The following MYCBP2 variants were observed in gnomAD, a reference collection of about 807,000 sequenced individuals.
The protein encoded by MYCBP2 is MYC binding protein 2.
In MYCBP2, 120 loss-of-function variants were observed where a neutral mutation model predicts 525.3. The ratio of observed to expected loss-of-function variants is 0.23; its 90% CI spans 0.20 to 0.27. MYCBP2 has a LOEUF of 0.27. Ranked by LOEUF, MYCBP2 falls within the 10% of genes least tolerant of loss-of-function variation. The probability of loss-of-function intolerance (pLI) is 1.00; values close to 1 mark genes in which losing one functional copy is unlikely to be tolerated. For missense variants in MYCBP2, 4,149 were observed against 5,657.1 expected (o/e 0.73, Z 8.55); for synonymous variants, 1,894 against 1,955.8 (o/e 0.97, Z 0.83).
chr13:77,262,788 CTT>C (rs2073518374), intron 10 of MYCBP2, among the ~76,000 whole-genome samples: 1 of 151,902 alleles, frequency 6.6e-6, no homozygotes. Context: ...CATTTTATGA[CTT>C]TGTCCAGCTA....
chr13:77,083,033 T>G lies in MYCBP2; in HGVS notation c.11035A>C (p.Arg3679=), dbSNP rs1158944082. 6.2e-7 allele frequency: 1 copy of G among 1,611,756 alleles called. No homozygotes were observed. The highest frequency in any genetic ancestry group is 1.7e-5 in the Admixed American group (1 of 59,690). The change falls in exon 63 of 83, where the codon AGG becomes CGG. Residue 3679 remains arginine (R), a splice_region_variant and synonymous_variant. Coordinates refer to ENST00000544440, the MANE Select transcript of MYCBP2 (RefSeq NM_015057.5). The stretch of plus-strand genomic sequence containing the variant: ...AGGATATGTGGATACCAAAATTACC[T>G]CAGGGCCATTTGCTGTAATGAACTG... ...SGSSLQQMAL[R]CWSLKFKQSD...
intron 1 of MYCBP2, among the ~76,000 whole-genome samples, chr13:77,318,864 T>C (rs1253719375): frequency 1.3e-5 from 2 of 152,228 alleles, no homozygotes; most frequent in East Asian, 1.9e-4. Flanking sequence ...GCCACCCTCC[T>C]TTCCTGTTCC....
chr13:77,063,631 G>A (rs959410446), intron 73 of MYCBP2, among the ~76,000 whole-genome samples: 2 of 150,782 alleles, frequency 1.3e-5, no homozygotes, highest in Non-Finnish European at 2.9e-5. Context: ...TAAAGGGTAA[G>A]CTTCAGTTTT....
At chr13:77,320,071 T>C (rs2081406292) in intron 1 of MYCBP2, among the ~76,000 whole-genome samples, 1 of 152,172 alleles carries the variant, frequency 6.6e-6, no homozygotes, top group East Asian at 1.9e-4. Context: ...GAGAGCTCTC[T>C]GGTGTTGGGA....
chr13:77,307,679 C>G (rs1303491704), intron 1 of MYCBP2, among the ~76,000 whole-genome samples: 1 of 125,446 alleles, frequency 8.0e-6, no homozygotes, highest in Non-Finnish European at 1.7e-5. Context: ...AGTTTTTTAA[C>G]ACCTTACTAT....
At chr13:77,298,036 T>C (rs2078379587) in intron 1 of MYCBP2, among the ~76,000 whole-genome samples, 1 of 152,204 alleles carries the variant, frequency 6.6e-6, no homozygotes, top group African/African-American at 2.4e-5. Flanking sequence ...ATCTTCTCAA[T>C]TCTCTTAAGA....
chr13:77,302,319 T>C (rs1384685794), intron 1 of MYCBP2, among the ~76,000 whole-genome samples: 1 of 144,810 alleles, frequency 6.9e-6, no homozygotes, highest in Non-Finnish European at 1.5e-5. Flanking sequence ...AGAAGAGATA[T>C]GCTTAAAGGA....
intron 18 of MYCBP2, among the ~76,000 whole-genome samples, chr13:77,232,798 A>G (rs1276808552): frequency 1.3e-5 from 2 of 152,226 alleles, no homozygotes; most frequent in African/African-American, 4.8e-5. Context: ...CATTCAAAAA[A>G]GAATTGTAAA....
Position 77,187,113 on chromosome 13 carries a change from T to C in MYCBP2, c.4252-1050A>G, listed in dbSNP as rs185479773. ...GCGTGAGCCAATGTGCTAAGCCCTA[T>C]AGTTTACCTTTTAAAGAAATGACTG... On this transcript the variant is annotated intron_variant, in intron 30 of 82. Transcript: ENST00000544440. 4.6e-3 allele frequency among the ~76,000 whole-genome samples: 697 copies of C among 152,286 alleles called. 4 individuals are homozygous for C. The highest frequency in any genetic ancestry group is 7.0e-3 in the Non-Finnish European group (475 of 68,012).
chr13:77,098,277 A>G lies in MYCBP2; in HGVS notation c.8877T>C (p.Ser2959=), dbSNP rs754897705. ...STCDDSSEFK[S]VDEGSNKVHF... ...GAACTTTATTTGAACCTTCATCCAC[A>G]CTCTTAAATTCACTGCTGTCATCGC... The change falls in exon 56 of 83, where the codon AGT becomes AGC. Residue 2959 remains serine (S), a synonymous_variant. Coordinates refer to ENST00000544440, the MANE Select transcript of MYCBP2 (RefSeq NM_015057.5). 21 of 1,611,788 alleles carry G rather than the reference A, an allele frequency of 1.3e-5. No individual in the cohort carries two copies. In the Admixed American group the frequency reaches 3.5e-4, roughly 27 times the overall value.
At chr13:77,308,785 G>A (rs1370915842) in intron 1 of MYCBP2, among the ~76,000 whole-genome samples, 1 of 152,186 alleles carries the variant, frequency 6.6e-6, no homozygotes, top group Non-Finnish European at 1.5e-5. Flanking sequence ...TACCCTGATG[G>A]GGAACTAGGG....
chr13:77,177,864 C>G lies in MYCBP2; in HGVS notation c.5224G>C (p.Gly1742Arg). The change falls in exon 35 of 83, where the codon GGG becomes CGG. Residue 1742 changes from glycine to arginine, a missense_variant. Gly to Arg is a moderately radical substitution (Grantham distance 125). Coordinates refer to ENST00000544440, the MANE Select transcript of MYCBP2 (RefSeq NM_015057.5). ...GAAAAACAGATTGCATCAGGGGACC[C>G]GTTCCCAGTGTTCCAACTTCTGCCC... Reference protein sequence around the residue: ...SQGRSWNTGNGSPDAICFSVD... With the variant: ...SQGRSWNTGNRSPDAICFSVD... 1 of 1,613,708 alleles carries G rather than the reference C, an allele frequency of 6.2e-7. No homozygotes were observed. The highest frequency in any genetic ancestry group is 8.5e-7 in the Non-Finnish European group (1 of 1,179,648).
chr13:77,208,462 A>C (rs1173804141), intron 23 of MYCBP2, among the ~76,000 whole-genome samples: 6 of 152,254 alleles, frequency 3.9e-5, no homozygotes, highest in Non-Finnish European at 8.8e-5. Flanking sequence ...ATATTAAAAA[A>C]AATCTAAAAT....
At chr13:77,105,391 G>GA (rs1210309508) in intron 55 of MYCBP2, among the ~76,000 whole-genome samples, 1 of 151,686 alleles carries the variant, frequency 6.6e-6, no homozygotes, top group Non-Finnish European at 1.5e-5. Context: ...GATTCAGAGT[G>GA]AAAAAAAGAA....
chr13:77,186,209 C>T lies in MYCBP2; in HGVS notation c.4252-146G>A, dbSNP rs920468305. The T allele has an allele frequency of 1.5e-5, 8 of 531,120 alleles. No individual in the cohort carries two copies. The African/African-American group carries it at 1.5e-4, about 10-fold the overall frequency. 32.9% of individuals were successfully genotyped at this position (531,120 alleles called of 1,614,324 possible). On this transcript the variant is annotated intron_variant, in intron 30 of 82. Coordinates refer to ENST00000544440, the MANE Select transcript of MYCBP2 (RefSeq NM_015057.5). ...TTTAATTGAATTTTTTTTACTGAGC[C>T]CAAGACACTTTTATAGTTCATTTAT...
chr13:77,314,138 A>T (rs1333963873), intron 1 of MYCBP2, among the ~76,000 whole-genome samples: 5 of 152,326 alleles, frequency 3.3e-5, no homozygotes, highest in African/African-American at 1.2e-4. Context: ...ACGTGATCCC[A>T]CAATCACTGT....
intron 71 of MYCBP2, among the ~76,000 whole-genome samples, chr13:77,066,525 T>C (rs886760224): frequency 7.9e-5 from 12 of 152,232 alleles, no homozygotes; most frequent in African/African-American, 2.4e-4. Flanking sequence ...TTGTCATGGA[T>C]TGGCTCTACA....
chr13:77,203,681 T>C (rs1203966796), intron 26 of MYCBP2, among the ~76,000 whole-genome samples: 2 of 152,108 alleles, frequency 1.3e-5, no homozygotes, highest in African/African-American at 2.4e-5. Flanking sequence ...CAGCATGGTA[T>C]TGGTACCAAA....
At chr13:77,115,254 AG>A (rs1364815642) in intron 55 of MYCBP2, among the ~76,000 whole-genome samples, 2 of 151,940 alleles carry the variant, frequency 1.3e-5, no homozygotes, top group Non-Finnish European at 2.9e-5. Context: ...AATGAAAATA[AG>A]GAATGTAATA....
Sources: gnomAD v4.1 joint callset for allele counts (sites outside exome capture counted in the v4.1 genomes callset) on GRCh38, gnomAD v4.1.1 for gene constraint, MANE v1.5 for transcripts, NCBI Gene and HGNC (gene_info 2026-07-23, HGNC 2026-07-21) for gene names.